Variants in BICRA observed in about 807,000 individuals in gnomAD.
The protein encoded by BICRA is BRD4-interacting chromatin-remodeling complex-associated protein.
A neutral mutation model predicts 96.9 loss-of-function variants in BICRA; 31 were observed. The ratio of observed to expected loss-of-function variants is 0.32; its 90% CI spans 0.24 to 0.43. The LOEUF is 0.43. BICRA is among the 20% of genes least tolerant of loss of function. BICRA has a pLI of 1.00. For missense variants in BICRA, 2,283 were observed against 2,190.3 expected, an observed-to-expected ratio of 1.04 and a Z score of -0.84; for synonymous variants, 1,350 against 1,071.8, an observed-to-expected ratio of 1.26 and a Z score of -5.07.
intron 1 of BICRA, among the ~76,000 whole-genome samples, chr19:47,629,867 A>G (rs1321610148): frequency 6.6e-6 from 1 of 152,186 alleles, no homozygotes; most frequent in African/African-American, 2.4e-5. Flanking sequence ...CATGTTGGCC[A>G]GCGTGGTCTC....
chr19:47,695,342 T>TCGGGGCCCCCCC, intron 9 of BICRA, 23 bp from the exon 10 acceptor site: 1 of 630,178 alleles, frequency 1.6e-6, no homozygotes, highest in Non-Finnish European at 2.8e-6. Context: ...AGGCCCTGTC[T>TCGGGGCCCCCCC]CCCCCACCCC....
chr19:47,664,820 T>C (rs1272983538), intron 1 of BICRA, among the ~76,000 whole-genome samples: 1 of 152,230 alleles, frequency 6.6e-6, no homozygotes, highest in Non-Finnish European at 1.5e-5. Context: ...AGGGGAACTA[T>C]GTGATGGCTC....
In BICRA at chr19:47,702,316, G is replaced by T; in HGVS notation, c.4584G>T (p.Ser1528=). The T allele has an allele frequency of 6.4e-7, 1 of 1,565,716 alleles. No homozygotes were observed. ...TPAPSYPHAA[S]AGTPASPPPL... is the part of the protein sequence containing the mutation. ...CGCCCTCGTACCCCCACGCTGCCTC[G>T]GCCGGCACCCCCGCATCCCCGCCGC... The change falls in exon 15 of 15, where the codon TCG becomes TCT. Residue 1528 remains serine (S), a synonymous_variant. Transcript: ENST00000594866.
Position 47,680,247 on chromosome 19 carries a change from G to A in BICRA, c.1077G>A (p.Leu359=), listed in dbSNP as rs761020584. The A allele has an allele frequency of 2.6e-5, 40 of 1,561,194 alleles. No homozygotes were observed. The highest frequency in any genetic ancestry group is 1.7e-4 in the Middle Eastern group (1 of 6,026). Residue 359 remains leucine, a synonymous_variant, in exon 6 of 15, where the codon CTG becomes CTA. Coordinates refer to ENST00000594866, the MANE Select transcript of BICRA (RefSeq NM_001394372.1). The part of the protein sequence containing the change: ...TPIQPKPAGV[L]PPKLYQLTPK... ...TCCAGCCCAAGCCCGCGGGGGTGCT[G>A]CCGCCCAAGCTCTACCAGCTGACGC...
chr19:47,635,533 A>G (rs1599799609), intron 1 of BICRA, among the ~76,000 whole-genome samples: 3 of 152,052 alleles, frequency 2.0e-5, no homozygotes, highest in Non-Finnish European at 2.9e-5. Flanking sequence ...GATTGCAGGC[A>G]TGAGCCACTG....
At chr19:47,694,048 T>G in intron 7 of BICRA, 67 bp from the exon 8 acceptor site, 1 of 1,445,444 alleles carries the variant, frequency 6.9e-7, no homozygotes, top group Non-Finnish European at 9.1e-7. Flanking sequence ...CCCAGTGTCT[T>G]GGGGCAACAG....
At position 47,680,649 on chromosome 19, in the gene BICRA, G is replaced by A. The variant is rs376162771; in HGVS notation, c.1479G>A (p.Val493=). The change falls in exon 6 of 15, where the codon GTG becomes GTA. Residue 493 remains valine, a synonymous_variant. Coordinates refer to ENST00000594866, the MANE Select transcript of BICRA (RefSeq NM_001394372.1). ...PQQLSALPAN[V]GGQILAAAAP... ...AGCTCTCAGCCCTGCCGGCCAACGT[G>A]GGCGGGCAGATCCTGGCGGCCGCTG... 360 of 1,608,788 alleles carry A rather than the reference G, an allele frequency of 2.2e-4. 4 individuals are homozygous for A. The South Asian group carries it at 3.0e-3, about 13-fold the overall frequency.
chr19:47,702,026 C>T lies in BICRA; in HGVS notation c.4294C>T (p.Leu1432=). The T allele has an allele frequency of 6.7e-7, 1 of 1,490,154 alleles. No individual in the cohort carries two copies. The highest frequency in any genetic ancestry group is 8.9e-7 in the Non-Finnish European group (1 of 1,128,976). 92.3% of individuals were successfully genotyped at this position (1,490,154 alleles called of 1,614,324 possible). Residue 1432 remains leucine (L), a synonymous_variant, in exon 15 of 15, where the codon CTG becomes TTG. Coordinates refer to ENST00000594866, the MANE Select transcript of BICRA (RefSeq NM_001394372.1). The part of the protein sequence containing the change: ...DEATSGLIRE[L]AAVEDELYQR... Reference sequence around the variant, plus strand: ...GGCCACCAGCGGGCTCATCCGCGAGCTGGCGGCCGTGGAGGACGAGCTGTA... The same window carrying T: ...GGCCACCAGCGGGCTCATCCGCGAGTTGGCGGCCGTGGAGGACGAGCTGTA...
rs1973286168 is a variant in BICRA, at chr19:47,694,172, C to T, written c.2341C>T (p.His781Tyr). The T allele has an allele frequency of 6.6e-7, 1 of 1,514,382 alleles. No individual in the cohort carries two copies. Among genetic ancestry groups the T allele is most frequent in the Non-Finnish European group, 8.9e-7 (1 of 1,124,874 alleles). 93.8% of individuals were successfully genotyped at this position (1,514,382 alleles called of 1,614,324 possible). ...CCCCTCTTCGTCCCCGTCACTACCT[C>T]ACCAGGCCCCTCTGGGGGACAGCCC... Reference protein sequence around the residue: ...PGPSSSPSLPHQAPLGDSPHL... With the variant: ...PGPSSSPSLPYQAPLGDSPHL... Residue 781 changes from histidine (H) to tyrosine (Y), a missense_variant, in exon 8 of 15, where the codon CAC becomes TAC. Transcript: ENST00000594866.
intron 1 of BICRA, among the ~76,000 whole-genome samples, chr19:47,650,868 C>A (rs548627768): frequency 3.9e-5 from 6 of 152,252 alleles, no homozygotes; most frequent in Middle Eastern, 3.4e-3. Context: ...CATCCTGACA[C>A]CATCCGCCCA....
intron 1 of BICRA, among the ~76,000 whole-genome samples, chr19:47,623,114 CATT>C (rs1599786506): frequency 6.6e-6 from 1 of 151,674 alleles, no homozygotes; most frequent in Non-Finnish European, 1.5e-5. Context: ...TAAAACTATA[CATT>C]ATTATATATA....
chr19:47,658,631 C>CAAA (rs3074083), intron 1 of BICRA, among the ~76,000 whole-genome samples: 1,046 of 97,234 alleles, frequency 0.011, 25 homozygotes, highest in African/African-American at 0.035. Context: ...GACTTCGTCT[C>CAAA]AAAAAAAAAA....
chr19:47,649,146 C>A (rs900565401), intron 1 of BICRA, among the ~76,000 whole-genome samples: 1 of 151,812 alleles, frequency 6.6e-6, no homozygotes, highest in Non-Finnish European at 1.5e-5. Context: ...CCACTGCACC[C>A]GGCCTAATTT....
intron 1 of BICRA, chr19:47,616,123 C>T (rs375451503): frequency 1.6e-4 from 24 of 152,510 alleles, no homozygotes; most frequent in African/African-American, 5.8e-4. Flanking sequence ...CTGTACCGTG[C>T]CTCAGTTTCC....
chr19:47,613,281 C>T (rs1161118657), intron 1 of BICRA, among the ~76,000 whole-genome samples: 2 of 152,230 alleles, frequency 1.3e-5, no homozygotes, highest in East Asian at 1.9e-4. Flanking sequence ...GCCCAGTTCC[C>T]CCGCCAGCTC....
Position 47,703,101 on chromosome 19 carries a change from C to T in BICRA, c.*686C>T, listed in dbSNP as rs1568583591. 6.6e-6 allele frequency: 1 copy of T among 152,632 alleles called. No individual in the cohort carries two copies. The highest frequency in any genetic ancestry group is 2.4e-5 in the African/African-American group (1 of 41,426). The allele number at this position is 152,632 out of a possible 1,614,324, so 9.5% of individuals were successfully genotyped here. ...AACCTCTCCCCAGCTAGTCTTCCCT[C>T]TGTTCTTCCTGCCTCCAGCCGCCCG... On this transcript the variant is annotated 3_prime_UTR_variant, in exon 15 of 15. Transcript: ENST00000594866.
chr19:47,657,924 C>CTCTG (rs1383823847), intron 1 of BICRA, among the ~76,000 whole-genome samples: 2 of 151,034 alleles, frequency 1.3e-5, no homozygotes, highest in East Asian at 3.9e-4. Flanking sequence ...TATACTCTCT[C>CTCTG]TCTCTCGTTT....
intron 1 of BICRA, among the ~76,000 whole-genome samples, chr19:47,622,752 G>T (rs950315220): frequency 1.0e-4 from 15 of 144,254 alleles, no homozygotes; most frequent in Non-Finnish European, 2.1e-4. Flanking sequence ...AAAAAATTTA[G>T]GAGTGGGCCG....
At position 47,701,884 on chromosome 19, in the gene BICRA, C is replaced by T. The variant is rs1420217995; in HGVS notation, c.4152C>T (p.Arg1384=). ...KPLGTAPHCP[R]LPLRKTYREN... is the part of the protein sequence containing the mutation. ...TGGGCACCGCCCCGCACTGCCCGCGCCTGCCACTGCGCAAGACCTACCGCG... is the reference window on the plus strand; with the variant it reads ...TGGGCACCGCCCCGCACTGCCCGCGTCTGCCACTGCGCAAGACCTACCGCG... The change falls in exon 15 of 15, where the codon CGC becomes CGT. Residue 1384 remains arginine, a synonymous_variant. Coordinates refer to ENST00000594866, the MANE Select transcript of BICRA (RefSeq NM_001394372.1). This position sits in a 1 kb window ranked among gnomAD's most constrained non-coding sequence, Gnocchi z 5.4. The T allele has an allele frequency of 6.1e-6, 9 of 1,468,054 alleles. No individual in the cohort carries two copies. The Admixed American group carries it at 2.3e-4, about 37-fold the overall frequency. The allele number at this position is 1,468,054 out of a possible 1,614,324, so 90.9% of individuals were successfully genotyped here. A position where few individuals can be genotyped will look rare whatever the true frequency, so the allele number is the denominator to read the frequency against.
Sources: allele counts gnomAD v4.1 joint callset (sites outside exome capture counted in the v4.1 genomes callset), GRCh38; gene constraint gnomAD v4.1.1; non-coding constraint Gnocchi (gnomAD v3.1); transcripts MANE v1.5; gene names NCBI Gene and HGNC (gene_info 2026-07-23, HGNC 2026-07-21).